The following SUGCT variants were observed in gnomAD, a reference collection of about 807,000 sequenced individuals.
SUGCT encodes succinyl-CoA:glutarate-CoA transferase.
SUGCT carries 41 observed loss-of-function variants against 55.0 expected under a neutral mutation model. The ratio of observed to expected loss-of-function variants is 0.74; its 90% CI spans 0.58 to 0.97. SUGCT has a LOEUF of 0.97. Among genes scored for constraint, SUGCT ranks in the 50% least tolerant of loss-of-function variants. The pLI is 0.00. For missense variants in SUGCT, 568 were observed against 547.8 expected (o/e 1.04, Z -0.37); for synonymous variants, 187 against 200.4 (o/e 0.93, Z 0.56).
At chr7:40,358,617 A>G (rs9655037) in intron 9 of SUGCT, among the ~76,000 whole-genome samples, 145,901 of 152,074 alleles carry the variant, frequency 0.96, 70,280 homozygotes, top group East Asian at 1. Flanking sequence ...GGAAGGTTGA[A>G]GCAGGAGAAT....
At chr7:40,525,927 C>T (rs1042857796) in intron 12 of SUGCT, among the ~76,000 whole-genome samples, 21 of 152,162 alleles carry the variant, frequency 1.4e-4, no homozygotes, top group African/African-American at 5.1e-4. Context: ...AATCTGGCTG[C>T]ACTATCTGCC....
At chr7:40,435,617 C>T (rs1788130720) in intron 9 of SUGCT, among the ~76,000 whole-genome samples, 1 of 152,158 alleles carries the variant, frequency 6.6e-6, no homozygotes, top group African/African-American at 2.4e-5. Flanking sequence ...GCCACCTACC[C>T]TCCCCAGAGC....
intron 12 of SUGCT, among the ~76,000 whole-genome samples, chr7:40,691,788 C>T (rs1234875182): frequency 6.6e-6 from 1 of 152,116 alleles, no homozygotes; most frequent in Non-Finnish European, 1.5e-5. Flanking sequence ...AAAGTTTCAA[C>T]AACCGCCTTC....
the SUGCT span, among the ~76,000 whole-genome samples, chr7:40,897,490 A>C: frequency 6.6e-6 from 1 of 151,084 alleles, no homozygotes; most frequent in Admixed American, 6.6e-5. Flanking sequence ...TTTACCTTCC[A>C]GCACGTGAGG....
chr7:40,569,780 C>T (rs1038443849), intron 12 of SUGCT, among the ~76,000 whole-genome samples: 1 of 152,164 alleles, frequency 6.6e-6, no homozygotes, highest in Admixed American at 6.5e-5. Flanking sequence ...TGTCTTTTCC[C>T]TTTGACCTGT....
chr7:40,890,640 C>G, the SUGCT span, among the ~76,000 whole-genome samples: 1 of 152,166 alleles, frequency 6.6e-6, no homozygotes, highest in Non-Finnish European at 1.5e-5. Flanking sequence ...CAAGCCCCAC[C>G]AGTTAGCCTA....
At chr7:40,839,006 T>C (rs900526848) in intron 13 of SUGCT, among the ~76,000 whole-genome samples, 13 of 151,886 alleles carry the variant, frequency 8.6e-5, no homozygotes, top group African/African-American at 2.9e-4. Flanking sequence ...CTGCATCAAT[T>C]GATATGATCA....
the SUGCT span, among the ~76,000 whole-genome samples, chr7:41,032,803 C>T: frequency 1.3e-5 from 2 of 152,314 alleles, no homozygotes; most frequent in East Asian, 1.9e-4. Context: ...CTCACTCTGT[C>T]GCTAGGCTGA....
chr7:41,006,783 A>G, the SUGCT span, among the ~76,000 whole-genome samples: 1 of 152,022 alleles, frequency 6.6e-6, no homozygotes, highest in Non-Finnish European at 1.5e-5. Context: ...TGTCTTGGAT[A>G]CTCACCCTTC....
chr7:40,887,364 T>C, the SUGCT span, among the ~76,000 whole-genome samples: 785 of 152,242 alleles, frequency 5.2e-3, 8 homozygotes, highest in African/African-American at 0.018. Context: ...ACTACTGTAG[T>C]AGTAAGAGCA....
At chr7:40,786,736 A>G (rs113719362) in intron 13 of SUGCT, among the ~76,000 whole-genome samples, 4,492 of 152,280 alleles carry the variant, frequency 0.029, 248 homozygotes, top group African/African-American at 0.1. Flanking sequence ...CTCACTAAAA[A>G]TAATAGAATG....
chr7:40,506,769 T>TTA (rs1036953158), intron 12 of SUGCT, among the ~76,000 whole-genome samples: 85 of 152,290 alleles, frequency 5.6e-4, no homozygotes, highest in African/African-American at 1.9e-3. Flanking sequence ...TTAATCTATC[T>TTA]TATAAGTTTG....
intron 1 of SUGCT, among the ~76,000 whole-genome samples, chr7:40,145,749 C>T (rs1788211724): frequency 6.6e-6 from 1 of 152,204 alleles, no homozygotes; most frequent in South Asian, 2.1e-4. Context: ...ATGGCTCCTT[C>T]CTGATTCTGT....
At chr7:40,238,477 C>A (rs1297185609) in intron 7 of SUGCT, among the ~76,000 whole-genome samples, 1 of 152,126 alleles carries the variant, frequency 6.6e-6, no homozygotes, top group African/African-American at 2.4e-5. Context: ...AAAACACACC[C>A]ATTTCAAAAC....
chr7:40,684,005 C>T, intron 12 of SUGCT: 4 of 1,607,378 alleles, frequency 2.5e-6, no homozygotes, highest in Non-Finnish European at 3.4e-6. Flanking sequence ...GAATTCAAAT[C>T]CTTGTGGTTG....
intron 6 of SUGCT, among the ~76,000 whole-genome samples, chr7:40,228,748 A>T (rs1023691680): frequency 2.6e-5 from 4 of 152,114 alleles, no homozygotes; most frequent in Non-Finnish European, 5.9e-5. Flanking sequence ...CTGATCAGTT[A>T]TTTGATTACC....
chr7:40,868,739 G>T, the SUGCT span, among the ~76,000 whole-genome samples: 3 of 152,074 alleles, frequency 2.0e-5, no homozygotes, highest in Admixed American at 6.6e-5. Flanking sequence ...AGAGGTGGGG[G>T]TCTCACTATG....
rs550768507 is a variant in SUGCT, at chr7:40,630,407, C to T, written c.1090-119027C>T. On this transcript the variant is annotated intron_variant, in intron 12 of 13. Transcript: ENST00000335693. ...CTGCTATCTGCTCACAGTCGCCTGA[C>T]CCAATGGAGAACAGAGATGCTATTT... 2.0e-5 allele frequency among the ~76,000 whole-genome samples: 3 copies of T among 152,210 alleles called. No homozygotes were observed. The East Asian group carries it at 5.8e-4, about 29-fold the overall frequency.
At chr7:40,480,067 A>G (rs1431596888) in intron 11 of SUGCT, among the ~76,000 whole-genome samples, 5 of 151,886 alleles carry the variant, frequency 3.3e-5, no homozygotes, top group Non-Finnish European at 5.9e-5. Flanking sequence ...TAGTGCTTTT[A>G]TGGCCATAAT....
Sources: gnomAD v4.1 joint callset for allele counts (sites outside exome capture counted in the v4.1 genomes callset) on GRCh38, gnomAD v4.1.1 for gene constraint, MANE v1.5 for transcripts, NCBI Gene and HGNC (gene_info 2026-07-23, HGNC 2026-07-21) for gene names.